The following CEP112 variants were observed in gnomAD, a reference collection of about 807,000 sequenced individuals.
CEP112 encodes centrosomal protein of 112 kDa.
Under a neutral mutation model 153.0 loss-of-function variants are expected in CEP112, and 127 were observed. The ratio of observed to expected loss-of-function variants is 0.83; its 90% confidence interval spans 0.72 to 0.96. The LOEUF (loss-of-function observed/expected upper bound fraction) is 0.96. CEP112 is among the 40% of genes least tolerant of loss of function. CEP112 has a pLI of 0.00. For synonymous variants in CEP112, 358 were observed against 374.4 expected (o/e 0.96, Z 0.51); for missense variants, 1,089 against 1,101.2 (o/e 0.99, Z 0.16).
chr17:66,079,308 A>C (rs1381124623), intron 8 of CEP112, among the ~76,000 whole-genome samples: 1 of 152,128 alleles, frequency 6.6e-6, no homozygotes, highest in Non-Finnish European at 1.5e-5. Flanking sequence ...TACACACACA[A>C]GGTTATTCAT....
intron 18 of CEP112, among the ~76,000 whole-genome samples, chr17:65,937,524 G>A (rs2061361688): frequency 1.4e-5 from 2 of 140,282 alleles, no homozygotes; most frequent in African/African-American, 2.5e-5. Flanking sequence ...TGAGAAGTGA[G>A]GAGCCCCTCT....
chr17:65,771,893 T>C (rs2145520063), intron 21 of CEP112, among the ~76,000 whole-genome samples: 1 of 151,974 alleles, frequency 6.6e-6, no homozygotes, highest in East Asian at 1.9e-4. Flanking sequence ...TGGTGGTACA[T>C]GTCTGTATTC....
chr17:66,004,748 C>A (rs889954332), intron 17 of CEP112, among the ~76,000 whole-genome samples: 1 of 152,170 alleles, frequency 6.6e-6, no homozygotes, highest in African/African-American at 2.4e-5. Context: ...GCAATCTTCC[C>A]AGGCAGAATT....
intron 16 of CEP112, among the ~76,000 whole-genome samples, chr17:66,025,586 TA>T (rs1157304158): frequency 6.6e-6 from 1 of 152,040 alleles, no homozygotes; most frequent in African/African-American, 2.4e-5. Flanking sequence ...AAATGCATAT[TA>T]AAACCACAAT....
At chr17:66,186,398 T>TTA (rs2072938513) in intron 1 of CEP112, among the ~76,000 whole-genome samples, 1 of 152,008 alleles carries the variant, frequency 6.6e-6, no homozygotes, top group South Asian at 2.1e-4. Context: ...ACCTCCCGGG[T>TTA]TCAAGGGATT....
rs1245881606 is a variant in CEP112 at position 65,787,224 on chromosome 17, A to C, written c.2395-36500T>G. Among the ~76,000 whole-genome samples, 9 of 152,356 alleles carry C rather than the reference A, an allele frequency of 5.9e-5. No individual in the cohort carries two copies. In the East Asian group the frequency reaches 1.7e-3, roughly 29 times the overall value. ...GCCAGGCACAGTGGCTCACACCTGT[A>C]ATCTCAGCACTTTGGGAAGCCGAGG... On this transcript the variant is annotated intron_variant, in intron 21 of 26. Coordinates refer to ENST00000535342, the MANE Select transcript of CEP112 (RefSeq NM_001199165.4).
At chr17:66,139,508 G>A (rs1354255919) in intron 4 of CEP112, among the ~76,000 whole-genome samples, 1 of 152,222 alleles carries the variant, frequency 6.6e-6, no homozygotes, top group East Asian at 1.9e-4. Context: ...CTACTTGGGA[G>A]GATGAGGTAG....
intron 23 of CEP112, among the ~76,000 whole-genome samples, chr17:65,725,947 C>T (rs575874996): frequency 2.0e-5 from 3 of 152,138 alleles, no homozygotes; most frequent in African/African-American, 7.2e-5. Context: ...TATCAGCCAC[C>T]ATGTCAGGCC....
At chr17:66,100,274 C>T (rs2068514034) in intron 6 of CEP112, among the ~76,000 whole-genome samples, 1 of 151,812 alleles carries the variant, frequency 6.6e-6, no homozygotes, top group Non-Finnish European at 1.5e-5. Flanking sequence ...GTGGTGGCAG[C>T]CTGTAGTCCC....
intron 12 of CEP112, among the ~76,000 whole-genome samples, chr17:66,043,790 TA>T (rs1248883833): frequency 6.6e-6 from 1 of 152,216 alleles, no homozygotes; most frequent in East Asian, 1.9e-4. Flanking sequence ...GTAAGTCTCA[TA>T]ATCTATACAA....
intron 20 of CEP112, among the ~76,000 whole-genome samples, chr17:65,859,852 CAAAA>C (rs573790538): frequency 1.0e-5 from 1 of 100,360 alleles, no homozygotes. Flanking sequence ...ACTAAAAATA[CAAAA>C]AAAAAAAAAA....
At chr17:66,159,733 A>G (rs966177126) in intron 4 of CEP112, among the ~76,000 whole-genome samples, 1 of 152,196 alleles carries the variant, frequency 6.6e-6, no homozygotes, top group Non-Finnish European at 1.5e-5. Context: ...TGATAAATAC[A>G]TAGCTAATAT....
chr17:65,883,315 T>A (rs1185190318), intron 20 of CEP112, among the ~76,000 whole-genome samples: 2 of 151,564 alleles, frequency 1.3e-5, no homozygotes, highest in Non-Finnish European at 2.9e-5. Context: ...ACACACTTCA[T>A]CTATATACTT....
At chr17:66,065,972 T>C (rs1011795544) in intron 10 of CEP112, among the ~76,000 whole-genome samples, 7 of 152,150 alleles carry the variant, frequency 4.6e-5, no homozygotes, top group Non-Finnish European at 8.8e-5. Context: ...TCTAGCTAAA[T>C]AGTTGAGAAG....
intron 8 of CEP112, among the ~76,000 whole-genome samples, chr17:66,090,403 G>C (rs1230453537): frequency 1.3e-5 from 2 of 151,988 alleles, no homozygotes; most frequent in African/African-American, 4.8e-5. Flanking sequence ...GATGTAAATT[G>C]TGTCATCAAA....
chr17:65,747,895 A>T (rs1479751868), intron 22 of CEP112, among the ~76,000 whole-genome samples: 1 of 152,206 alleles, frequency 6.6e-6, no homozygotes, highest in East Asian at 1.9e-4. Flanking sequence ...ATTTAATCTT[A>T]TGCTCTCTGA....
At chr17:65,752,544 C>T (rs2051945256) in intron 21 of CEP112, among the ~76,000 whole-genome samples, 1 of 152,196 alleles carries the variant, frequency 6.6e-6, no homozygotes, top group African/African-American at 2.4e-5. Flanking sequence ...GAGGCCCTTT[C>T]TCATTCCACC....
rs138928035 is a variant in CEP112 at position 65,811,351 on chromosome 17, C to T, written c.2394+40453G>A. On this transcript the variant is annotated intron_variant, in intron 21 of 26. Coordinates refer to ENST00000535342, the MANE Select transcript of CEP112 (RefSeq NM_001199165.4). ...ATGGAAAGTGGAAAATGATGTTAAT[C>T]GATTGTAAGTCCCACAGGGCAAAAA... 1.8e-3 allele frequency among the ~76,000 whole-genome samples: 274 copies of T among 152,178 alleles called. 1 individual carries two copies. Among genetic ancestry groups the T allele is most frequent in the African/African-American group, 6.2e-3 (258 of 41,522 alleles).
chr17:66,160,728 T>C (rs2071663766), intron 4 of CEP112, among the ~76,000 whole-genome samples: 1 of 151,956 alleles, frequency 6.6e-6, no homozygotes, highest in Admixed American at 6.6e-5. Flanking sequence ...CCTAAAACCA[T>C]AAAAACCCTA....
Sources: allele counts gnomAD v4.1 joint callset (sites outside exome capture counted in the v4.1 genomes callset), GRCh38; gene constraint gnomAD v4.1.1; transcripts MANE v1.5; gene names NCBI Gene and HGNC (gene_info 2026-07-23, HGNC 2026-07-21).